The following COL4A4 variants were observed in gnomAD, a reference collection of about 807,000 sequenced individuals.
COL4A4 encodes the protein collagen type IV alpha 4 chain, also known as collagen alpha-4(IV) chain.
Under a neutral mutation model 192.9 loss-of-function variants are expected in COL4A4, and 105 were observed. The ratio of observed to expected loss-of-function variants is 0.54; its 90% CI spans 0.46 to 0.64. The LOEUF (loss-of-function observed/expected upper bound fraction) is 0.64. Among genes scored for constraint, COL4A4 ranks in the 30% least tolerant of loss-of-function variants. COL4A4 has a pLI of 0.00. For synonymous variants in COL4A4, 762 were observed against 769.9 expected (o/e 0.99, Z 0.17); for missense variants, 1,967 against 2,169.3 (o/e 0.91, Z 1.85).
chr2:227,124,620 C>A (rs1175546266), intron 4 of COL4A4, among the ~76,000 whole-genome samples: 1 of 152,052 alleles, frequency 6.6e-6, no homozygotes. Context: ...ATGAAAAAGA[C>A]AACAATAAAA....
intron 44 of COL4A4, among the ~76,000 whole-genome samples, chr2:227,014,162 AC>A (rs1217694713): frequency 1.3e-5 from 2 of 152,128 alleles, no homozygotes; most frequent in Non-Finnish European, 2.9e-5. Context: ...CCTCCAACCC[AC>A]CTGAGCAACA....
At position 227,002,830 on chromosome 2, in the gene COL4A4, G is replaced by GTCT. The variant is rs1553609901; in HGVS notation, c.*4492_*4494dup. 1 of 152,632 alleles carries GTCT rather than the reference G, an allele frequency of 6.6e-6. No individual in the cohort carries two copies. Among genetic ancestry groups the GTCT allele is most frequent in the African/African-American group, 2.4e-5 (1 of 41,436 alleles). 9.5% of individuals were successfully genotyped at this position (152,632 alleles called of 1,614,324 possible). ...ATCTTGCAAAAGTTACATGCTGAAA[G>GTCT]TCTTTAACTTTACAACCAGAGGTTA... On this transcript the variant is annotated 3_prime_UTR_variant, in exon 48 of 48. Transcript: ENST00000396625.
intron 8 of COL4A4, 23 bp from the exon 9 acceptor site, chr2:227,111,736 C>T: frequency 6.2e-7 from 1 of 1,612,206 alleles, no homozygotes. Flanking sequence ...GAATGCATTG[C>T]TTTAAGTCCA....
At chr2:227,025,776 A>G (rs746319267) in intron 43 of COL4A4, 26 bp downstream of exon 43, 1 of 1,608,516 alleles carries the variant, frequency 6.2e-7, no homozygotes. Context: ...GTGAGGGGAA[A>G]TTACCAATTT....
At chr2:226,994,366 G>A in the COL4A4 span, among the ~76,000 whole-genome samples, 1 of 152,046 alleles carries the variant, frequency 6.6e-6, no homozygotes, top group Non-Finnish European at 1.5e-5. Flanking sequence ...GCAGGATGTG[G>A]TGATGATTGA....
chr2:227,085,486 G>A (rs548427585), intron 22 of COL4A4, among the ~76,000 whole-genome samples: 9 of 152,134 alleles, frequency 5.9e-5, no homozygotes, highest in Non-Finnish European at 8.8e-5. Flanking sequence ...ACCTGAGGCC[G>A]GGTAATTTGT....
chr2:227,080,526 C>A lies in COL4A4; in HGVS notation c.1720G>T (p.Asp574Tyr). The part of the protein sequence containing the change: ...VKGHKGERGP[D>Y]GPPGFPGQPG... ...TGCCCTGGAAATCCTGGGGGCCCAT[C>A]AGGACCTCTTTCTCCTTTGTGCCCT... Residue 574 changes from aspartate to tyrosine, a missense_variant, in exon 24 of 48, where the codon GAT becomes TAT. By Grantham distance (160) the Asp-to-Tyr change is radical. Coordinates refer to ENST00000396625, the MANE Select transcript of COL4A4 (RefSeq NM_000092.5). The A allele has an allele frequency of 1.9e-6, 3 of 1,614,090 alleles. No homozygotes were observed. Among genetic ancestry groups the A allele is most frequent in the Non-Finnish European group, 2.5e-6 (3 of 1,180,018 alleles).
intron 4 of COL4A4, among the ~76,000 whole-genome samples, chr2:227,134,033 A>AG (rs1378844110): frequency 2.0e-5 from 3 of 152,214 alleles, no homozygotes; most frequent in Non-Finnish European, 4.4e-5. Context: ...TTCTTGACAC[A>AG]GGGGGGACAC....
Position 227,009,474 on chromosome 2 carries a change from C to T in COL4A4, c.4522+839G>A, listed in dbSNP as rs149209296. ...ATCCCAGCACTATGGGAGGCCAAGGCGGGAAGATCACCTGAGGTCAGATAT... is the reference window on the plus strand; with the variant it reads ...ATCCCAGCACTATGGGAGGCCAAGGTGGGAAGATCACCTGAGGTCAGATAT... On this transcript the variant is annotated intron_variant, in intron 46 of 47. Transcript: ENST00000396625. 1.7e-3 allele frequency among the ~76,000 whole-genome samples: 255 copies of T among 152,150 alleles called. 2 individuals carry two copies. Among genetic ancestry groups the T allele is most frequent in the Middle Eastern group, 6.8e-3 (2 of 294 alleles).
At chr2:227,053,218 T>C (rs372829207) in intron 31 of COL4A4, among the ~76,000 whole-genome samples, 7 of 131,342 alleles carry the variant, frequency 5.3e-5, no homozygotes, top group African/African-American at 1.8e-4. Context: ...TAGCAAAGAG[T>C]GACTCTTTGA....
intron 13 of COL4A4, 59 bp downstream of exon 13, chr2:227,103,913 A>G: frequency 1.5e-6 from 2 of 1,320,074 alleles, no homozygotes; most frequent in Admixed American, 1.7e-5. Flanking sequence ...CCACAGATCC[A>G]TGTCAAAAAA....
intron 19 of COL4A4, among the ~76,000 whole-genome samples, chr2:227,097,091 G>C (rs1278721497): frequency 1.3e-5 from 2 of 152,212 alleles, no homozygotes; most frequent in Non-Finnish European, 1.5e-5. Flanking sequence ...CCATTTCTAA[G>C]ACCTGATGTG....
rs73082213 is a variant in COL4A4 at position 227,093,936 on chromosome 2, A to G, written c.1369+189T>C. 0.025 allele frequency among the ~76,000 whole-genome samples: 3,735 copies of G among 152,290 alleles called. 169 individuals carry two copies. Among genetic ancestry groups the G allele is most frequent in the African/African-American group, 0.085 (3,522 of 41,554 alleles). ...ATCATTTACACTGAAACTCCTAACC[A>G]AATGATTGCACATACTTTAATGGAT... On this transcript the variant is annotated intron_variant, in intron 20 of 47. Coordinates refer to ENST00000396625, the MANE Select transcript of COL4A4 (RefSeq NM_000092.5).
At chr2:227,008,947 C>T (rs994451021) in intron 46 of COL4A4, among the ~76,000 whole-genome samples, 1 of 152,216 alleles carries the variant, frequency 6.6e-6, no homozygotes, top group East Asian at 1.9e-4. Flanking sequence ...CCCAAGAGTT[C>T]TGCAGAGTTT....
chr2:227,007,747 T>C (rs1233284656), intron 47 of COL4A4, among the ~76,000 whole-genome samples, 159 bp from the exon 48 acceptor site: 1 of 152,210 alleles, frequency 6.6e-6, no homozygotes, highest in African/African-American at 2.4e-5. Context: ...GTACTCAGCA[T>C]GGTAAGTATG....
the COL4A4 span, among the ~76,000 whole-genome samples, chr2:226,991,815 A>AC: frequency 2.0e-5 from 3 of 152,160 alleles, no homozygotes; most frequent in Non-Finnish European, 4.4e-5. Flanking sequence ...CATGGAAAGG[A>AC]CCCTGGAAGT....
At chr2:227,093,071 C>T (rs920893725) in intron 20 of COL4A4, among the ~76,000 whole-genome samples, 1 of 152,080 alleles carries the variant, frequency 6.6e-6, no homozygotes, top group African/African-American at 2.4e-5. Context: ...GACTCTTAAA[C>T]CTGAAAGTGC....
chr2:227,100,808 C>CTT (rs113276669), intron 17 of COL4A4, among the ~76,000 whole-genome samples: 7 of 142,264 alleles, frequency 4.9e-5, no homozygotes, highest in Admixed American at 3.5e-4. Flanking sequence ...CTGCGCTATT[C>CTT]TTTTTTTTTT....
At chr2:227,047,343 C>T (rs1251956665) in intron 35 of COL4A4, 132 bp downstream of exon 35, 3 of 718,264 alleles carry the variant, frequency 4.2e-6, no homozygotes, top group East Asian at 5.4e-5. Context: ...ATATATAACC[C>T]GTTTTATCTA....
Sources: allele counts gnomAD v4.1 joint callset (sites outside exome capture counted in the v4.1 genomes callset), GRCh38; gene constraint gnomAD v4.1.1; transcripts MANE v1.5; gene names NCBI Gene and HGNC (gene_info 2026-07-23, HGNC 2026-07-21).